C5: variants seen among roughly 807,000 people sequenced by gnomAD.
C5 encodes complement C5, also known as C3 and PZP-like alpha-2-macroglobulin domain-containing protein 4.
Under a neutral mutation model 218.8 loss-of-function variants are expected in C5, and 140 were observed. The ratio of observed to expected loss-of-function variants is 0.64; its 90% CI spans 0.56 to 0.74. The LOEUF (loss-of-function observed/expected upper bound fraction) is 0.74. Ranked by LOEUF, C5 falls within the 30% of genes least tolerant of loss-of-function variation. C5 has a pLI of 0.00. For missense variants in C5, 1,700 were observed against 1,969.6 expected (o/e 0.86, Z 2.59); for synonymous variants, 614 against 682.3 (o/e 0.90, Z 1.56).
At chr9:120,993,582 C>T (rs1224599667) in intron 22 of C5, among the ~76,000 whole-genome samples, 1 of 152,174 alleles carries the variant, frequency 6.6e-6, no homozygotes, top group East Asian at 1.9e-4. Flanking sequence ...ACCACCACGC[C>T]TGGCTAATTT....
intron 33 of C5, among the ~76,000 whole-genome samples, chr9:120,965,521 AAAATAAATAAAT>A (rs201361366): frequency 0.055 from 8,110 of 147,032 alleles, 665 homozygotes; most frequent in African/African-American, 0.18. Context: ...CTCTGCCTCA[AAAATAAATAAAT>A]AAATAAATAA....
chr9:120,973,851 C>G (rs543998105), intron 30 of C5, among the ~76,000 whole-genome samples: 4 of 151,924 alleles, frequency 2.6e-5, no homozygotes, highest in Non-Finnish European at 4.4e-5. Context: ...TGGTGGCAGG[C>G]GCCTATAATC....
chr9:121,004,415 T>C (rs2047198542), intron 20 of C5, among the ~76,000 whole-genome samples: 1 of 151,978 alleles, frequency 6.6e-6, no homozygotes, highest in Admixed American at 6.6e-5. Context: ...ATATGTAACA[T>C]TAGGGGAGTA....
At chr9:120,976,943 AAATGTGAATTTGACATAAT>A (rs760860244) in intron 28 of C5, 38 bp from the exon 29 acceptor site, 9 of 1,543,266 alleles carry the variant, frequency 5.8e-6, no homozygotes, top group Non-Finnish European at 3.6e-6. Context: ...ATATGATTAA[AAATGTGAATTTGACATAAT>A]AATTCTACCA....
chr9:120,953,796 A>G lies in C5; in HGVS notation c.4835T>C (p.Val1612Ala), dbSNP rs1435576393. Residue 1612 changes from valine (V) to alanine (A), a missense_variant, in exon 40 of 41, where the codon GTA becomes GCA. Transcript: ENST00000223642. Reference sequence around the variant, plus strand: ...CATAATTAAGTACTGTCTTCCTTTTACCAGCTCAGCGTTAGTACAGGTTAC... The same window carrying G: ...CATAATTAAGTACTGTCTTCCTTTTGCCAGCTCAGCGTTAGTACAGGTTAC... ...KKVTCTNAEL[V>A]KGRQYLIMGK... 6.2e-7 allele frequency: 1 copy of G among 1,613,738 alleles called. No homozygotes were observed. The highest frequency in any genetic ancestry group is 2.2e-5 in the East Asian group (1 of 44,890).
intron 26 of C5, among the ~76,000 whole-genome samples, chr9:120,982,417 C>A (rs2047001485): frequency 6.6e-6 from 1 of 152,192 alleles, no homozygotes; most frequent in Admixed American, 6.5e-5. Context: ...GCCCATCTAC[C>A]TCCACCCCGT....
intron 22 of C5, among the ~76,000 whole-genome samples, chr9:120,993,198 A>T (rs1478267056): frequency 6.6e-6 from 1 of 152,186 alleles, no homozygotes; most frequent in Non-Finnish European, 1.5e-5. Context: ...GTGCACTGCT[A>T]ATGGAAGTAT....
upstream of C5, among the ~76,000 whole-genome samples, chr9:121,054,581 C>T (rs10818501): frequency 0.51 from 78,053 of 152,086 alleles, 22,475 homozygotes; most frequent in South Asian, 0.8. Context: ...GCCTGGGCAA[C>T]GAGAGCAAAA....
chr9:121,064,171 C>A, the C5 span, among the ~76,000 whole-genome samples: 1 of 151,596 alleles, frequency 6.6e-6, no homozygotes, highest in Non-Finnish European at 1.5e-5. Flanking sequence ...TTTCTCATTT[C>A]CATTTCTTTT....
intron 18 of C5, among the ~76,000 whole-genome samples, chr9:121,008,002 G>C (rs2047229846): frequency 6.6e-6 from 1 of 152,202 alleles, no homozygotes; most frequent in African/African-American, 2.4e-5. Context: ...CAGTGGTATA[G>C]AGGAAGTGTT....
chr9:121,007,026 C>A, intron 18 of C5, 49 bp from the exon 19 acceptor site: 1 of 1,382,310 alleles, frequency 7.2e-7, no homozygotes, highest in Non-Finnish European at 1.0e-6. Context: ...ATTGATTAAC[C>A]CAACTTAACA....
chr9:121,021,416 TA>T, intron 11 of C5, 92 bp downstream of exon 11: 1 of 996,122 alleles, frequency 1.0e-6, no homozygotes, highest in Non-Finnish European at 1.6e-6. Flanking sequence ...GACTCATGTG[TA>T]AAATCTGCCG....
chr9:120,952,343 C>T lies in C5; in HGVS notation c.*396G>A, dbSNP rs915058837. On this transcript the variant is annotated 3_prime_UTR_variant, in exon 41 of 41. Transcript: ENST00000223642. ...CAGGCTTTTTAGCACAGTTTGAAAG[C>T]AAACTCAGGCTTTAATGATCAGTTT... 7.3e-6 allele frequency: 2 copies of T among 274,828 alleles called. No homozygotes were observed. Among genetic ancestry groups the T allele is most frequent in the South Asian group, 7.8e-5 (2 of 25,780 alleles). 17.0% of individuals were successfully genotyped at this position (274,828 alleles called of 1,614,324 possible).
Position 120,981,921 on chromosome 9 carries a change from C to T in C5, c.3409G>A (p.Ala1137Thr). The T allele has an allele frequency of 6.2e-7, 1 of 1,613,754 alleles. No homozygotes were observed. Among genetic ancestry groups the T allele is most frequent in the Non-Finnish European group, 8.5e-7 (1 of 1,179,674 alleles). ...IKLQGTLPVEARENSLYLTAF... is the reference protein window; with the variant it reads ...IKLQGTLPVETRENSLYLTAF... ...GTAAGATATAAGCTGTTCTCTCGGG[C>T]TTCAACAGGCAAGGTACCCTAAAAA... Residue 1137 changes from alanine (A) to threonine (T), a missense_variant, in exon 27 of 41, where the codon GCC (alanine) becomes ACC (threonine). Physicochemically the swap from Ala to Thr is moderately conservative, Grantham distance 58. Transcript: ENST00000223642.
chr9:120,963,068 T>C, intron 34 of C5, 101 bp from the exon 35 acceptor site: 5 of 922,524 alleles, frequency 5.4e-6, no homozygotes, highest in South Asian at 2.6e-5. Flanking sequence ...ATGTGATCTG[T>C]AATTCAAAGA....
intron 17 of C5, 87 bp downstream of exon 17, chr9:121,013,786 A>C: frequency 8.8e-7 from 1 of 1,137,670 alleles, no homozygotes; most frequent in Middle Eastern, 2.0e-4. Context: ...TTCTAAATAG[A>C]TCATGAAAAC....
At chr9:121,018,737 G>GAAAGAAAGA (rs1439699610) in intron 12 of C5, among the ~76,000 whole-genome samples, 4,259 of 88,236 alleles carry the variant, frequency 0.048, 344 homozygotes, top group South Asian at 0.072. Context: ...AGGAAGGAAG[G>GAAAGAAAGA]AAGGAAAGGA....
rs1588166067 is a variant in C5, at chr9:120,963,081, T to C, written c.4324-114A>G. The C allele has an allele frequency of 1.4e-5, 12 of 848,242 alleles. No homozygotes were observed. In the East Asian group the frequency reaches 2.9e-4, roughly 21 times the overall value. 52.5% of individuals were successfully genotyped at this position (848,242 alleles called of 1,614,324 possible). On this transcript the variant is annotated intron_variant, in intron 34 of 40. Transcript: ENST00000223642. The stretch of plus-strand genomic sequence containing the variant: ...GGATGTGATCTGTAATTCAAAGAAA[T>C]TGAAGAGCAGTTCCTCTTCTTGAAA...
At chr9:121,056,867 A>G in the C5 span, among the ~76,000 whole-genome samples, 303 of 152,316 alleles carry the variant, frequency 2.0e-3, 4 homozygotes, top group South Asian at 0.022. Flanking sequence ...AGATATGAAT[A>G]TCTAGGTACA....
Sources: gnomAD v4.1 joint callset for allele counts (sites outside exome capture counted in the v4.1 genomes callset) on GRCh38, gnomAD v4.1.1 for gene constraint, MANE v1.5 for transcripts, NCBI Gene and HGNC (gene_info 2026-07-23, HGNC 2026-07-21) for gene names.